DGCR2: variants seen among roughly 807,000 people sequenced by gnomAD.
DGCR2 encodes the protein DiGeorge syndrome critical region gene 2.
A neutral mutation model predicts 51.6 loss-of-function variants in DGCR2; 24 were observed. The ratio of observed to expected loss-of-function variants is 0.47; its 90% CI spans 0.34 to 0.65. DGCR2 has a LOEUF of 0.65. DGCR2 is among the 30% of genes least tolerant of loss of function. The pLI, the probability that DGCR2 is intolerant of heterozygous loss-of-function variation, is 0.01. For synonymous variants in DGCR2, 340 were observed against 315.4 expected, an observed-to-expected ratio of 1.08 and a Z score of -0.82; for missense variants, 765 against 772.1, an observed-to-expected ratio of 0.99 and a Z score of 0.11.
chr22:19,120,917 G>C (rs2083424419), intron 1 of DGCR2, among the ~76,000 whole-genome samples: 1 of 152,246 alleles, frequency 6.6e-6, no homozygotes, highest in Non-Finnish European at 1.5e-5. Flanking sequence ...GCCAAAAGCA[G>C]TGAGCAACTA....
rs1459582681 is a variant in DGCR2 at position 19,041,474 on chromosome 22, C to T, written c.1160-180G>A. 5 of 647,264 alleles carry T rather than the reference C, an allele frequency of 7.7e-6. No homozygotes were observed. The Admixed American group carries it at 8.0e-5, about 10-fold the overall frequency. 40.1% of individuals were successfully genotyped at this position (647,264 alleles called of 1,614,324 possible). ...ATGAGACCCCTGGTGTGCTCCGTGG[C>T]ATGTCTCACCCTCACCACACCAACC... is the stretch of plus-strand genomic sequence containing the variant. On this transcript the variant is annotated intron_variant, in intron 8 of 9. Coordinates refer to ENST00000263196, the MANE Select transcript of DGCR2 (RefSeq NM_005137.3).
chr22:19,037,839 G>C lies in DGCR2; in HGVS notation c.*1026C>G, dbSNP rs1260007889. 1 of 152,642 alleles carries C rather than the reference G, an allele frequency of 6.6e-6. No homozygotes were observed. Among genetic ancestry groups the C allele is most frequent in the African/African-American group, 2.4e-5 (1 of 41,464 alleles). 9.5% of individuals were successfully genotyped at this position (152,642 alleles called of 1,614,324 possible). A position where few individuals can be genotyped will look rare whatever the true frequency, so the allele number is the denominator to read the frequency against. ...AGGAGGGGCCGGGAGGTGTGCATGCGGCCGCTGGGCACTGAGCTGCAGTAG... is the reference window on the plus strand; with the variant it reads ...AGGAGGGGCCGGGAGGTGTGCATGCCGCCGCTGGGCACTGAGCTGCAGTAG... On this transcript the variant is annotated 3_prime_UTR_variant, in exon 10 of 10. Coordinates refer to ENST00000263196, the MANE Select transcript of DGCR2 (RefSeq NM_005137.3).
chr22:19,105,272 C>T (rs757456834), intron 1 of DGCR2, among the ~76,000 whole-genome samples: 4 of 151,978 alleles, frequency 2.6e-5, no homozygotes, highest in Non-Finnish European at 4.4e-5. Context: ...TGCAGTGAGC[C>T]AAGATCATAC....
chr22:19,106,062 G>C (rs535619122), intron 1 of DGCR2, among the ~76,000 whole-genome samples: 42 of 152,078 alleles, frequency 2.8e-4, no homozygotes, highest in South Asian at 6.2e-4. Flanking sequence ...AGGGAGACTG[G>C]CTTGGAAAGA....
At chr22:19,042,241 C>G (rs751990525) in intron 7 of DGCR2, among the ~76,000 whole-genome samples, 12 of 152,202 alleles carry the variant, frequency 7.9e-5, no homozygotes, top group Non-Finnish European at 1.5e-4. Context: ...CCGGAGCAAA[C>G]TAGGATTTCC....
At chr22:19,043,199 G>A (rs900239056) in intron 7 of DGCR2, among the ~76,000 whole-genome samples, 2 of 152,222 alleles carry the variant, frequency 1.3e-5, no homozygotes, top group African/African-American at 2.4e-5. Flanking sequence ...ACCATTTCAC[G>A]CTTTTCGTGA....
chr22:19,049,382 G>C lies in DGCR2; in HGVS notation c.803-739C>G, dbSNP rs186796212. ...AGACGTTGCAAATGCCTGGAGGAGA[G>C]ACAAGGAATGAAGGAGCCTCCAAGA... is the stretch of plus-strand genomic sequence containing the variant. On this transcript the variant is annotated intron_variant, in intron 6 of 9. Coordinates refer to ENST00000263196, the MANE Select transcript of DGCR2 (RefSeq NM_005137.3). 5.3e-5 allele frequency among the ~76,000 whole-genome samples: 8 copies of C among 152,172 alleles called. No homozygotes were observed. The East Asian group carries it at 1.5e-3, about 29-fold the overall frequency.
At chr22:19,058,734 G>A (rs2082629262) in intron 5 of DGCR2, among the ~76,000 whole-genome samples, 1 of 152,228 alleles carries the variant, frequency 6.6e-6, no homozygotes, top group African/African-American at 2.4e-5. Flanking sequence ...GGACACAAAT[G>A]ACCTCTCCGG....
Position 19,089,611 on chromosome 22 carries a change from A to G in DGCR2, c.80-121T>C, listed in dbSNP as rs2083056676. ...TTGTTTGTTTTTGAGACAGAGTCTC[A>G]TTCTGTCACCCAGGCTGGAGTGCCA... On this transcript the variant is annotated intron_variant, in intron 1 of 9. Transcript: ENST00000263196. 5 of 1,182,644 alleles carry G rather than the reference A, an allele frequency of 4.2e-6. No homozygotes were observed. The East Asian group carries it at 1.6e-4, about 37-fold the overall frequency. The allele number at this position is 1,182,644 out of a possible 1,614,324, so 73.3% of individuals were successfully genotyped here. A position where few individuals can be genotyped will look rare whatever the true frequency, so the allele number is the denominator to read the frequency against.
At chr22:19,080,980 C>A (rs1200076024) in intron 2 of DGCR2, among the ~76,000 whole-genome samples, 1 of 152,204 alleles carries the variant, frequency 6.6e-6, no homozygotes, top group Non-Finnish European at 1.5e-5. Context: ...CCACCCTTGG[C>A]ACTCAGAGCC....
intron 1 of DGCR2, among the ~76,000 whole-genome samples, chr22:19,118,254 A>G (rs1252436330): frequency 6.6e-6 from 1 of 152,076 alleles, no homozygotes; most frequent in African/African-American, 2.4e-5. Flanking sequence ...CGCCGTAATC[A>G]AAGTTACTCT....
rs1048441734 is a variant in DGCR2 at position 19,064,954 on chromosome 22, G to C, written c.442C>G (p.Leu148Val). ...YWDAAQTCQR[L>V]NGSLATFSTD... ...GAGAAGGTGGCGAGAGAGCCATTCA[G>C]GCGCTGGCAGGTCTGCGCGGCATCC... The change falls in exon 4 of 10, where the codon CTG (leucine) becomes GTG (valine). Residue 148 changes from leucine to valine, a missense_variant. Coordinates refer to ENST00000263196, the MANE Select transcript of DGCR2 (RefSeq NM_005137.3). 6.2e-7 allele frequency: 1 copy of C among 1,614,040 alleles called. No individual in the cohort carries two copies. The highest frequency in any genetic ancestry group is 8.5e-7 in the Non-Finnish European group (1 of 1,180,048).
chr22:19,093,855 A>C (rs562218983), intron 1 of DGCR2, among the ~76,000 whole-genome samples: 1 of 152,190 alleles, frequency 6.6e-6, no homozygotes, highest in South Asian at 2.1e-4. Flanking sequence ...AAAACAAAAA[A>C]ATTAGCTGGG....
Position 19,036,433 on chromosome 22 carries a change from A to G in DGCR2, c.*2432T>C, listed in dbSNP as rs933462069. On this transcript the variant is annotated 3_prime_UTR_variant, in exon 10 of 10. Transcript: ENST00000263196. ...AAGACAATGTACAGTATCAAATCCC[A>G]CCTCCGCATGGCAGGTCAGAGGGCA... The G allele has an allele frequency of 6.6e-6, 1 of 152,374 alleles. No individual in the cohort carries two copies. The highest frequency in any genetic ancestry group is 2.4e-5 in the African/African-American group (1 of 41,406). 9.4% of individuals were successfully genotyped at this position (152,374 alleles called of 1,614,324 possible). A position where few individuals can be genotyped will look rare whatever the true frequency, so the allele number is the denominator to read the frequency against.
At chr22:19,112,307 A>C (rs113700162) in intron 1 of DGCR2, among the ~76,000 whole-genome samples, 1 of 151,288 alleles carries the variant, frequency 6.6e-6, no homozygotes, top group Non-Finnish European at 1.5e-5. Flanking sequence ...GGAAAATAAT[A>C]AAACCGTTCA....
intron 2 of DGCR2, among the ~76,000 whole-genome samples, chr22:19,073,241 G>A (rs1281409370): frequency 6.6e-6 from 1 of 152,196 alleles, no homozygotes; most frequent in Non-Finnish European, 1.5e-5. Context: ...TCCAGCCTGA[G>A]TGACAGTGAG....
chr22:19,086,423 G>A (rs929295121), intron 2 of DGCR2, among the ~76,000 whole-genome samples: 2 of 152,086 alleles, frequency 1.3e-5, no homozygotes, highest in East Asian at 3.8e-4. Context: ...AGCTTGCAGT[G>A]AGCCCAGATG....
At chr22:19,053,902 T>G (rs1270757491) in intron 6 of DGCR2, among the ~76,000 whole-genome samples, 1 of 152,054 alleles carries the variant, frequency 6.6e-6, no homozygotes, top group Non-Finnish European at 1.5e-5. Context: ...ACAAAATCAA[T>G]GAAACAGATG....
chr22:19,042,255 C>A (rs2082440869), intron 7 of DGCR2, among the ~76,000 whole-genome samples: 1 of 152,210 alleles, frequency 6.6e-6, no homozygotes, highest in South Asian at 2.1e-4. Context: ...GATTTCCTGT[C>A]CTAGGACTAG....
Sources: gnomAD v4.1 joint callset for allele counts (sites outside exome capture counted in the v4.1 genomes callset) on GRCh38, gnomAD v4.1.1 for gene constraint, MANE v1.5 for transcripts, NCBI Gene and HGNC (gene_info 2026-07-23, HGNC 2026-07-21) for gene names.